CLUAP1: variants seen among roughly 807,000 people sequenced by gnomAD.
CLUAP1 encodes the protein intraflagellar transport 38, also known as clusterin-associated protein 1.
Under a neutral mutation model 55.0 loss-of-function variants are expected in CLUAP1, and 50 were observed. That is an observed-to-expected ratio of 0.91 (90% CI 0.72 to 1.15). The LOEUF (loss-of-function observed/expected upper bound fraction) is 1.15. CLUAP1 is among the 50% of genes most tolerant of loss of function. The pLI is 0.00. For synonymous variants in CLUAP1, 195 were observed against 175.4 expected, an observed-to-expected ratio of 1.11 and a Z score of -0.88; for missense variants, 530 against 507.6, an observed-to-expected ratio of 1.04 and a Z score of -0.42.
intron 1 of CLUAP1, among the ~76,000 whole-genome samples, chr16:3,503,511 G>A (rs1273080892): frequency 3.9e-5 from 6 of 152,052 alleles, no homozygotes; most frequent in Non-Finnish European, 8.8e-5. Context: ...TGGTCAGGCT[G>A]GTCTTGAACT....
intron 5 of CLUAP1, among the ~76,000 whole-genome samples, chr16:3,515,215 G>A (rs1299439985): frequency 1.3e-5 from 2 of 151,826 alleles, no homozygotes; most frequent in African/African-American, 2.4e-5. Flanking sequence ...AAAAGAAGCA[G>A]CAGCAAATTT....
chr16:3,509,690 AG>A (rs1416999643), intron 4 of CLUAP1, among the ~76,000 whole-genome samples: 2 of 152,244 alleles, frequency 1.3e-5, no homozygotes, highest in East Asian at 3.9e-4. Context: ...GTGGCCACGC[AG>A]GGTACGTGAA....
chr16:3,525,448 C>T (rs2037923517), intron 8 of CLUAP1, among the ~76,000 whole-genome samples: 1 of 152,086 alleles, frequency 6.6e-6, no homozygotes, highest in Non-Finnish European at 1.5e-5. Context: ...ATACCTGTTC[C>T]CTCGAAATAC....
rs2038241482 is a variant in CLUAP1, at chr16:3,536,830, T to G, written c.*559T>G. 6.6e-6 allele frequency: 1 copy of G among 152,260 alleles called. No homozygotes were observed. The highest frequency in any genetic ancestry group is 1.5e-5 in the Non-Finnish European group (1 of 68,064). The allele number at this position is 152,260 out of a possible 1,614,324, so 9.4% of individuals were successfully genotyped here. On this transcript the variant is annotated 3_prime_UTR_variant, in exon 12 of 12. Transcript: ENST00000576634. ...ATTAAATGTATTTTAATAACTAAAC[T>G]TTTCTGAAAGAAGGTTAGCTAAAGT...
intron 11 of CLUAP1, chr16:3,533,994 C>T (rs940632463): frequency 4.6e-5 from 7 of 152,244 alleles, no homozygotes; most frequent in African/African-American, 1.7e-4. Context: ...TTGTTTATTT[C>T]AAGGAGGCTG....
chr16:3,531,554 C>G (rs1404595282), intron 10 of CLUAP1, among the ~76,000 whole-genome samples: 1 of 151,934 alleles, frequency 6.6e-6, no homozygotes, highest in Non-Finnish European at 1.5e-5. Flanking sequence ...CAAAAAAAGA[C>G]TCAGGCAACA....
At chr16:3,522,418 T>C (rs1185342719) in intron 7 of CLUAP1, among the ~76,000 whole-genome samples, 1 of 152,092 alleles carries the variant, frequency 6.6e-6, no homozygotes, top group African/African-American at 2.4e-5. Flanking sequence ...CCCGCCTCAG[T>C]CTCCCAAAGT....
At chr16:3,496,574 G>C (rs1166141889), upstream of CLUAP1, 4 of 539,226 alleles carry the variant, frequency 7.4e-6, no homozygotes, top group Non-Finnish European at 1.5e-5. Flanking sequence ...CCTGACTTTC[G>C]ATCAGCTGGC....
chr16:3,524,570 C>T (rs1437399398), intron 8 of CLUAP1, among the ~76,000 whole-genome samples: 2 of 129,574 alleles, frequency 1.5e-5, no homozygotes, highest in Non-Finnish European at 3.1e-5. Context: ...GCACTCTAGC[C>T]TGGGCGACAG....
At chr16:3,533,215 C>A in intron 11 of CLUAP1, 1 of 1,336,604 alleles carries the variant, frequency 7.5e-7, no homozygotes, top group Non-Finnish European at 1.0e-6. Context: ...CCGGGGCCAG[C>A]CAGGGGCCTC....
intron 8 of CLUAP1, among the ~76,000 whole-genome samples, chr16:3,524,307 GAAAAA>G (rs1019523880): frequency 7.9e-6 from 1 of 127,218 alleles, no homozygotes; most frequent in East Asian, 2.3e-4. Context: ...GTCTCAAAAA[GAAAAA>G]AAAAAAGGGC....
intron 3 of CLUAP1, among the ~76,000 whole-genome samples, chr16:3,506,789 C>T (rs898220087): frequency 7.9e-5 from 12 of 152,314 alleles, no homozygotes; most frequent in African/African-American, 2.9e-4. Context: ...AGATGTGAGC[C>T]ACCACGCGCC....
At chr16:3,503,138 CTA>C (rs1330017695) in intron 1 of CLUAP1, among the ~76,000 whole-genome samples, 3 of 151,930 alleles carry the variant, frequency 2.0e-5, no homozygotes, top group African/African-American at 7.3e-5. Flanking sequence ...CCACACTCAC[CTA>C]ACTTTTGTAT....
At chr16:3,525,879 C>T (rs1268185413) in intron 8 of CLUAP1, among the ~76,000 whole-genome samples, 1 of 152,184 alleles carries the variant, frequency 6.6e-6, no homozygotes, top group Non-Finnish European at 1.5e-5. Context: ...CATTCTCTTT[C>T]TTGATAATAA....
Position 3,523,164 on chromosome 16 carries a change from T to A in CLUAP1, c.720T>A (p.Cys240Ter). 6.2e-7 allele frequency: 1 copy of A among 1,609,704 alleles called. No homozygotes were observed. The highest frequency in any genetic ancestry group is 8.5e-7 in the Non-Finnish European group (1 of 1,178,674). The change falls in exon 8 of 12, where the codon TGT (cysteine) becomes TGA (stop). Residue 240 changes from cysteine (C) to a stop codon, truncating the protein, a stop_gained. Transcript: ENST00000576634. LOFTEE classifies it high-confidence loss of function. ...TTTCATTTGCTTCTTTTAGGCCATG[T>A]TTTATGGATGAGTATGAGAAGACTG... ...RLETLQSVRP[C>*]FMDEYEKTEE... is the part of the protein sequence containing the mutation.
rs866546654 is a variant in CLUAP1, at chr16:3,532,429, T to C, written c.1037-357T>C. ...TTTTTTTTTTTTTTTTTTTTTTTTTTTTGGAGACAGAATCTCATTCTGTCG... is the reference window on the plus strand; with the variant it reads ...TTTTTTTTTTTTTTTTTTTTTTTTTCTTGGAGACAGAATCTCATTCTGTCG... On this transcript the variant is annotated intron_variant, in intron 10 of 11. Transcript: ENST00000576634. Among the ~76,000 whole-genome samples, 135 of 102,020 alleles carry C rather than the reference T, an allele frequency of 1.3e-3. 1 individual carries two copies. The highest frequency in any genetic ancestry group is 6.4e-3 in the African/African-American group (124 of 19,292). 66.9% of individuals were successfully genotyped at this position (102,020 alleles called of 152,430 possible). A position where few individuals can be genotyped will look rare whatever the true frequency, so the allele number is the denominator to read the frequency against.
intron 11 of CLUAP1, chr16:3,535,231 G>A (rs1022683824): frequency 6.5e-6 from 1 of 153,030 alleles, no homozygotes; most frequent in African/African-American, 2.4e-5. Context: ...AGCAGTGCTG[G>A]GGTCAGTAGG....
In CLUAP1 at chr16:3,520,028, G is replaced by A. The variant is rs751531610; in HGVS notation, c.705G>A (p.Gln235=). The part of the protein sequence containing the change: ...ERNRKRLETL[Q]SVRPCFMDEY... ...ATCGGAAGCGACTAGAGACTCTGCA[G>A]AGTGTCAGGTAGATATGAACACTTG... The change falls in exon 7 of 12, where the codon CAG becomes CAA. Residue 235 remains glutamine, a synonymous_variant. Transcript: ENST00000576634. The A allele has an allele frequency of 6.2e-7, 1 of 1,610,992 alleles. No individual in the cohort carries two copies. The highest frequency in any genetic ancestry group is 1.1e-5 in the South Asian group (1 of 90,412).
chr16:3,517,286 A>T (rs1211782415), intron 6 of CLUAP1, among the ~76,000 whole-genome samples: 4 of 151,630 alleles, frequency 2.6e-5, no homozygotes, highest in African/African-American at 7.3e-5. Context: ...TAATTATTGT[A>T]TTTTTGTTTT....
Sources: gnomAD v4.1 joint callset for allele counts (sites outside exome capture counted in the v4.1 genomes callset) on GRCh38, gnomAD v4.1.1 for gene constraint, MANE v1.5 for transcripts, NCBI Gene and HGNC (gene_info 2026-07-23, HGNC 2026-07-21) for gene names.